The following ATAD2B variants were observed in gnomAD, a reference collection of about 807,000 sequenced individuals.
The protein encoded by ATAD2B is ATPase family AAA domain-containing protein 2B.
Under a neutral mutation model 167.6 loss-of-function variants are expected in ATAD2B, and 40 were observed. The ratio of observed to expected loss-of-function variants is 0.24; its 90% CI spans 0.19 to 0.31. ATAD2B has a LOEUF of 0.31. Ranked by LOEUF, ATAD2B falls within the 10% of genes least tolerant of loss-of-function variation. ATAD2B has a pLI of 1.00. For missense variants in ATAD2B, 1,242 were observed against 1,757.2 expected, an observed-to-expected ratio of 0.71 and a Z score of 5.24; for synonymous variants, 579 against 596.5, an observed-to-expected ratio of 0.97 and a Z score of 0.43.
rs750637274 is a variant in ATAD2B, at chr2:23,867,927, T to C, written c.1096A>G (p.Arg366Gly). ...ATACCGCTAGCTAAGTCCTCTGCTC[T>C]GAAGTTCATAGGCAAACATCTGAAA... ...ARNRCLPMNF[R>G]AEDLASGILR... is the part of the protein sequence containing the mutation. The change falls in exon 10 of 28, where the codon AGA becomes GGA. Residue 366 changes from arginine to glycine, a missense_variant. Around this residue, in one of 9 missense-constraint regions of ATAD2B, gnomAD observed 127 missense variants for 146.3 expected, o/e 0.87. Transcript: ENST00000238789. 6.8e-6 allele frequency: 11 copies of C among 1,611,176 alleles called. No individual in the cohort carries two copies. Among genetic ancestry groups the C allele is most frequent in the Admixed American group, 3.4e-5 (2 of 59,434 alleles).
At chr2:23,692,463 G>A in the ATAD2B span, among the ~76,000 whole-genome samples, 3 of 152,234 alleles carry the variant, frequency 2.0e-5, no homozygotes, top group African/African-American at 4.8e-5. Flanking sequence ...GGACAAAGAC[G>A]AAAGCCCCCA....
At chr2:23,919,860 A>G (rs1462691051) in intron 1 of ATAD2B, among the ~76,000 whole-genome samples, 1 of 149,138 alleles carries the variant, frequency 6.7e-6, no homozygotes, top group Non-Finnish European at 1.5e-5. Context: ...AAAAAAAAAA[A>G]AGTAATTAGG....
the ATAD2B span, chr2:23,706,921 C>T: frequency 4.9e-5 from 19 of 391,568 alleles, no homozygotes; most frequent in South Asian, 1.7e-4. Context: ...CAGGGGCGCT[C>T]GCTCTGCCAG....
the ATAD2B span, among the ~76,000 whole-genome samples, chr2:23,730,048 A>G: frequency 6.6e-6 from 1 of 152,244 alleles, no homozygotes. Context: ...TCAATGTGAT[A>G]TAACTGCTAC....
intron 13 of ATAD2B, among the ~76,000 whole-genome samples, chr2:23,844,500 G>C (rs906745412): frequency 1.7e-5 from 2 of 120,756 alleles, no homozygotes; most frequent in Non-Finnish European, 3.8e-5. Flanking sequence ...TATTAGAATT[G>C]CCAAAGGCAT....
chr2:23,760,769 C>A (rs931788879), intron 24 of ATAD2B, among the ~76,000 whole-genome samples: 4 of 54,376 alleles, frequency 7.4e-5, no homozygotes, highest in African/African-American at 1.9e-4. Context: ...CACACACACA[C>A]ACCACTTCCT....
At chr2:23,806,041 C>A (rs572441553) in intron 18 of ATAD2B, 1 of 152,110 alleles carries the variant, frequency 6.6e-6, no homozygotes, top group Non-Finnish European at 1.5e-5. Flanking sequence ...TTAATTTAAT[C>A]TAAAGAATGC....
At chr2:23,883,881 C>T (rs1401880172) in intron 6 of ATAD2B, among the ~76,000 whole-genome samples, 1 of 152,132 alleles carries the variant, frequency 6.6e-6, no homozygotes, top group Non-Finnish European at 1.5e-5. Flanking sequence ...CAGTGGCTCA[C>T]GCCTGTAATG....
chr2:23,897,087 A>T (rs938616625), intron 1 of ATAD2B, among the ~76,000 whole-genome samples: 1 of 152,186 alleles, frequency 6.6e-6, no homozygotes, highest in African/African-American at 2.4e-5. Context: ...CAACCACTGC[A>T]CTCCAGACTG....
chr2:23,789,113 C>T (rs1317419798), intron 19 of ATAD2B, among the ~76,000 whole-genome samples: 3 of 152,070 alleles, frequency 2.0e-5, no homozygotes, highest in Non-Finnish European at 4.4e-5. Flanking sequence ...TCACTGTAAT[C>T]TCTGGAATCC....
chr2:23,826,304 T>C (rs1688241910), intron 15 of ATAD2B, among the ~76,000 whole-genome samples: 1 of 152,230 alleles, frequency 6.6e-6, no homozygotes, highest in Non-Finnish European at 1.5e-5. Flanking sequence ...GGTAACCACA[T>C]GTGCTGGTTA....
the ATAD2B span, chr2:23,703,150 A>C: frequency 7.2e-7 from 1 of 1,390,340 alleles, no homozygotes; most frequent in Middle Eastern, 1.9e-4. Context: ...CACAAGGTCC[A>C]TCTTGACCCT....
intron 1 of ATAD2B, among the ~76,000 whole-genome samples, chr2:23,904,967 G>A (rs144024313): frequency 1.3e-5 from 2 of 152,028 alleles, no homozygotes; most frequent in East Asian, 3.9e-4. Flanking sequence ...CATATAAAAT[G>A]TTCTAAATTT....
chr2:23,827,996 T>C (rs1358314824), intron 15 of ATAD2B: 2 of 152,654 alleles, frequency 1.3e-5, no homozygotes, highest in Admixed American at 6.5e-5. Flanking sequence ...ACTTTAAAGT[T>C]TTCCCAAGTA....
chr2:23,854,499 GA>G (rs1404598063), intron 13 of ATAD2B, among the ~76,000 whole-genome samples: 1 of 151,538 alleles, frequency 6.6e-6, no homozygotes, highest in African/African-American at 2.4e-5. Flanking sequence ...CCAATATGGT[GA>G]AACCCCACCT....
rs1700072605 is a variant in ATAD2B at position 23,895,753 on chromosome 2, T to C, written c.368+66A>G. 2.5e-6 allele frequency: 3 copies of C among 1,218,168 alleles called. No homozygotes were observed. The East Asian group carries it at 7.9e-5, about 32-fold the overall frequency. The allele number at this position is 1,218,168 out of a possible 1,614,324, so 75.5% of individuals were successfully genotyped here. On this transcript the variant is annotated intron_variant, in intron 2 of 27. Coordinates refer to ENST00000238789, the MANE Select transcript of ATAD2B (RefSeq NM_017552.4). Reference sequence around the variant, plus strand: ...TTTTATAAGCTAAGAAAATTAGCATTAATATCAGCCCTGAATCACATTCAG... The same window carrying C: ...TTTTATAAGCTAAGAAAATTAGCATCAATATCAGCCCTGAATCACATTCAG...
At chr2:23,836,833 G>A (rs900042733) in intron 13 of ATAD2B, among the ~76,000 whole-genome samples, 30 of 152,224 alleles carry the variant, frequency 2.0e-4, no homozygotes, top group Non-Finnish European at 4.3e-4. Flanking sequence ...TGGCTGAGCC[G>A]GGGCTTTTAT....
chr2:23,925,581 ACTCTTCTCT>A (rs1704624022), intron 1 of ATAD2B, among the ~76,000 whole-genome samples: 1 of 152,200 alleles, frequency 6.6e-6, no homozygotes, highest in Non-Finnish European at 1.5e-5. Context: ...GAAGCAATAC[ACTCTTCTCT>A]GAATTCAGAA....
chr2:23,688,608 C>G, the ATAD2B span, among the ~76,000 whole-genome samples: 27 of 152,192 alleles, frequency 1.8e-4, no homozygotes, highest in African/African-American at 6.5e-4. Flanking sequence ...CCCCCACGCC[C>G]AGAAGTAGGT....
Sources: gnomAD v4.1 joint callset for allele counts (sites outside exome capture counted in the v4.1 genomes callset) on GRCh38, gnomAD v4.1.1 for gene constraint, gnomAD v4.1.1 regional missense constraint, MANE v1.5 for transcripts, NCBI Gene and HGNC (gene_info 2026-07-23, HGNC 2026-07-21) for gene names.